Variants in STAG1 observed in about 807,000 individuals in gnomAD.
STAG1 encodes STAG1 cohesin complex component, also known as cohesin subunit SA-1.
A neutral mutation model predicts 170.9 loss-of-function variants in STAG1; 26 were observed. The observed-to-expected ratio is 0.15, with a 90% confidence interval of 0.11 to 0.21. The LOEUF (loss-of-function observed/expected upper bound fraction) is 0.21. Ranked by LOEUF, STAG1 falls within the 10% of genes least tolerant of loss-of-function variation. The pLI is 1.00. For missense variants in STAG1, 964 were observed against 1,509.5 expected (o/e 0.64, Z 5.99); for synonymous variants, 514 against 497.7 (o/e 1.03, Z -0.44).
chr3:136,446,508 C>T (rs1264240917), intron 14 of STAG1, among the ~76,000 whole-genome samples: 3 of 150,882 alleles, frequency 2.0e-5, no homozygotes, highest in Admixed American at 6.6e-5. Context: ...CTGCAACCTC[C>T]GCCTCCCAGG....
intron 4 of STAG1, 76 bp from the exon 5 acceptor site, chr3:136,568,937 G>T (rs1937170752): frequency 3.2e-6 from 3 of 938,604 alleles, no homozygotes; most frequent in South Asian, 1.5e-5. Context: ...AAAAAAGTTT[G>T]TGTGTTTGTG....
Position 136,616,776 on chromosome 3 carries a change from T to C in STAG1, c.132+6370A>G, listed in dbSNP as rs530286022. 8.5e-5 allele frequency among the ~76,000 whole-genome samples: 13 copies of C among 152,188 alleles called. No individual in the cohort carries two copies. In the East Asian group the frequency reaches 2.1e-3, roughly 25 times the overall value. ...TAGCCGGTGTGGTGATGCATGACTGTAGTCCCACTCCAAAGGCTGAGGTGG... is the reference window on the plus strand; with the variant it reads ...TAGCCGGTGTGGTGATGCATGACTGCAGTCCCACTCCAAAGGCTGAGGTGG... On this transcript the variant is annotated intron_variant, in intron 3 of 33. Transcript: ENST00000383202.
chr3:136,608,304 G>A (rs537952422), intron 3 of STAG1, among the ~76,000 whole-genome samples: 3 of 151,672 alleles, frequency 2.0e-5, no homozygotes, highest in African/African-American at 7.3e-5. Context: ...CACAGGGGTA[G>A]ACAAGGTGGG....
intron 1 of STAG1, among the ~76,000 whole-genome samples, chr3:136,709,980 A>G (rs1943339112): frequency 6.6e-6 from 1 of 152,128 alleles, no homozygotes. Context: ...GGTTTCAGTC[A>G]GCCAAAATTG....
chr3:136,368,898 T>C (rs976079702), intron 24 of STAG1, among the ~76,000 whole-genome samples: 3 of 152,162 alleles, frequency 2.0e-5, no homozygotes, highest in Non-Finnish European at 4.4e-5. Context: ...CCATATTGCC[T>C]AGGCTGCTCT....
intron 16 of STAG1, among the ~76,000 whole-genome samples, chr3:136,424,036 G>C (rs1266052563): frequency 1.3e-5 from 2 of 151,896 alleles, no homozygotes; most frequent in South Asian, 4.2e-4. Flanking sequence ...GCTAATTTTT[G>C]TATTTTTGTA....
chr3:136,632,416 T>C (rs1274185264), intron 1 of STAG1, among the ~76,000 whole-genome samples: 1 of 152,180 alleles, frequency 6.6e-6, no homozygotes, highest in Non-Finnish European at 1.5e-5. Context: ...CTCAACAGTG[T>C]CAATGAGGAC....
chr3:136,393,753 A>C (rs1246514888), intron 22 of STAG1, among the ~76,000 whole-genome samples: 1 of 151,588 alleles, frequency 6.6e-6, no homozygotes, highest in Non-Finnish European at 1.5e-5. Context: ...GTGTCACTAC[A>C]CTTGGCTAAT....
At chr3:136,687,294 C>A (rs1942560639) in intron 1 of STAG1, among the ~76,000 whole-genome samples, 1 of 152,080 alleles carries the variant, frequency 6.6e-6, no homozygotes, top group African/African-American at 2.4e-5. Flanking sequence ...GACAGCAATA[C>A]TTATTTAAGG....
intron 23 of STAG1, among the ~76,000 whole-genome samples, chr3:136,370,828 C>T (rs905454259): frequency 4.6e-5 from 7 of 152,252 alleles, no homozygotes; most frequent in Non-Finnish European, 7.3e-5. Context: ...CATACGTGTG[C>T]GTGTGTCTTT....
At chr3:136,491,541 CCATTT>C (rs1454572223) in intron 9 of STAG1, among the ~76,000 whole-genome samples, 1 of 152,086 alleles carries the variant, frequency 6.6e-6, no homozygotes, top group African/African-American at 2.4e-5. Context: ...TTATTATTTG[CCATTT>C]ATTTGTGGAA....
At chr3:136,603,892 AAAAGAAAG>A (rs963097348) in intron 4 of STAG1, among the ~76,000 whole-genome samples, 142 of 152,130 alleles carry the variant, frequency 9.3e-4, no homozygotes, top group Non-Finnish European at 1.0e-3. Flanking sequence ...GTCTCAAAAA[AAAAGAAAG>A]AAAGAAAGAA....
chr3:136,568,758 T>A lies in STAG1; in HGVS notation c.394+7A>T, dbSNP rs1461562791. 6.2e-7 allele frequency: 1 copy of A among 1,602,278 alleles called. No individual in the cohort carries two copies. Among genetic ancestry groups the A allele is most frequent in the Non-Finnish European group, 8.5e-7 (1 of 1,170,918 alleles). The stretch of plus-strand genomic sequence containing the variant: ...CAATGTACATCATTTATTTCAACAT[T>A]CTGTACCTCGACATCCTGAACACTG... On this transcript the variant is annotated splice_region_variant and intron_variant, in intron 5 of 33. Transcript: ENST00000383202.
At chr3:136,602,386 A>C (rs914264051) in intron 4 of STAG1, among the ~76,000 whole-genome samples, 4 of 151,860 alleles carry the variant, frequency 2.6e-5, no homozygotes, top group African/African-American at 9.7e-5. Context: ...TCAAACAAAA[A>C]AAAAAAAAAA....
chr3:136,508,122 G>C (rs778354698), intron 7 of STAG1, among the ~76,000 whole-genome samples: 1 of 152,122 alleles, frequency 6.6e-6, no homozygotes, highest in Non-Finnish European at 1.5e-5. Flanking sequence ...CTAGAGGAAC[G>C]TGAGGGAACA....
At chr3:136,525,542 A>C (rs933264273) in intron 6 of STAG1, among the ~76,000 whole-genome samples, 12 of 152,096 alleles carry the variant, frequency 7.9e-5, no homozygotes, top group Admixed American at 1.3e-4. Flanking sequence ...TTTTCAAAAA[A>C]CCAGCTCCTA....
At chr3:136,697,736 T>G (rs1224133708) in intron 1 of STAG1, among the ~76,000 whole-genome samples, 1 of 152,244 alleles carries the variant, frequency 6.6e-6, no homozygotes, top group African/African-American at 2.4e-5. Context: ...CTCCCTGGAA[T>G]TAGACACAAC....
intron 1 of STAG1, among the ~76,000 whole-genome samples, chr3:136,702,129 G>GAGAC (rs1943097375): frequency 1.0e-5 from 1 of 100,308 alleles, no homozygotes; most frequent in African/African-American, 6.0e-5. Context: ...GAGACAGAGA[G>GAGAC]ACAGAGAGAC....
chr3:136,750,817 T>C (rs973940598), intron 1 of STAG1, among the ~76,000 whole-genome samples: 7 of 152,256 alleles, frequency 4.6e-5, no homozygotes, highest in African/African-American at 9.6e-5. Flanking sequence ...ATTTCCCTAC[T>C]TGGTTAAAAT....
Sources: allele counts gnomAD v4.1 joint callset (sites outside exome capture counted in the v4.1 genomes callset), GRCh38; gene constraint gnomAD v4.1.1; transcripts MANE v1.5; gene names NCBI Gene and HGNC (gene_info 2026-07-23, HGNC 2026-07-21).